The following STAU2 variants were observed in gnomAD, a reference collection of about 807,000 sequenced individuals.
STAU2 encodes the protein staufen double-stranded RNA binding protein 2.
In STAU2, 20 loss-of-function variants were observed where a neutral mutation model predicts 65.9. That is an observed-to-expected ratio of 0.30 (90% CI 0.21 to 0.44). STAU2 has a LOEUF of 0.44. Among genes scored for constraint, STAU2 ranks in the 20% least tolerant of loss-of-function variants. The pLI, the probability that STAU2 is intolerant of heterozygous loss-of-function variation, is 1.00. For missense variants in STAU2, 558 were observed against 683.9 expected (o/e 0.82, Z 2.05); for synonymous variants, 232 against 233.9 (o/e 0.99, Z 0.07).
chr8:73,655,464 ATAAC>A (rs1345343735), intron 6 of STAU2, among the ~76,000 whole-genome samples: 6 of 152,050 alleles, frequency 3.9e-5, no homozygotes, highest in East Asian at 1.9e-4. Flanking sequence ...TTCATATTTT[ATAAC>A]TAAAAGTCTT....
intron 13 of STAU2, among the ~76,000 whole-genome samples, chr8:73,501,272 G>A (rs1821735714): frequency 1.3e-5 from 2 of 151,768 alleles, no homozygotes; most frequent in South Asian, 2.1e-4. Context: ...ATAAGAAAAA[G>A]AGAACCATGT....
chr8:73,574,284 A>G (rs1167926797), intron 12 of STAU2, among the ~76,000 whole-genome samples: 1 of 152,230 alleles, frequency 6.6e-6, no homozygotes, highest in Non-Finnish European at 1.5e-5. Context: ...GTGGAGAAAC[A>G]GGAACACTTT....
chr8:73,598,158 G>C (rs1811338603), intron 10 of STAU2, among the ~76,000 whole-genome samples: 1 of 150,776 alleles, frequency 6.6e-6, no homozygotes, highest in South Asian at 2.1e-4. Flanking sequence ...TTTAACATTT[G>C]AAATTCAAAC....
intron 13 of STAU2, among the ~76,000 whole-genome samples, chr8:73,459,299 A>G (rs373866153): frequency 8.9e-4 from 136 of 152,342 alleles, no homozygotes; most frequent in African/African-American, 3.1e-3. Flanking sequence ...CATGAAGAAT[A>G]AATTCCTAGT....
At chr8:73,663,151 A>G (rs1816964902) in intron 6 of STAU2, among the ~76,000 whole-genome samples, 1 of 152,068 alleles carries the variant, frequency 6.6e-6, no homozygotes. Flanking sequence ...CATCTATTCG[A>G]CTCTGCTGTT....
intron 13 of STAU2, among the ~76,000 whole-genome samples, chr8:73,523,196 C>CAAAAAAAAAA (rs763732188): frequency 1.0e-4 from 8 of 78,624 alleles, no homozygotes; most frequent in African/African-American, 2.0e-4. Context: ...ACTTTGTCTC[C>CAAAAAAAAAA]AAAAAAAAAA....
At chr8:73,607,176 GAACTAAACAAATAACTTTAGA>G (rs1363234889) in intron 9 of STAU2, among the ~76,000 whole-genome samples, 1 of 152,018 alleles carries the variant, frequency 6.6e-6, no homozygotes, top group Non-Finnish European at 1.5e-5. Flanking sequence ...TTGTTTAAAG[GAACTAAACAAATAACTTTAGA>G]AAAACAAACA....
At chr8:73,462,044 G>T (rs538370633) in intron 13 of STAU2, among the ~76,000 whole-genome samples, 1 of 150,996 alleles carries the variant, frequency 6.6e-6, no homozygotes, top group African/African-American at 2.4e-5. Flanking sequence ...CACATCTATC[G>T]GTAAAAAAAT....
intron 13 of STAU2, among the ~76,000 whole-genome samples, chr8:73,450,532 G>T (rs1247557753): frequency 6.6e-6 from 1 of 152,186 alleles, no homozygotes; most frequent in Non-Finnish European, 1.5e-5. Flanking sequence ...CTTCAGAAAA[G>T]TTCAACTGCT....
intron 5 of STAU2, among the ~76,000 whole-genome samples, chr8:73,676,456 T>C (rs535781964): frequency 1.3e-5 from 2 of 152,318 alleles, no homozygotes; most frequent in South Asian, 4.1e-4. Context: ...CTAATAATAC[T>C]GCTTCTAAAA....
At position 73,459,639 on chromosome 8, in the gene STAU2, C is replaced by A. The variant is rs552517031; in HGVS notation, c.1531-36937G>T. On this transcript the variant is annotated intron_variant, in intron 13 of 14. Coordinates refer to ENST00000524300, the MANE Select transcript of STAU2 (RefSeq NM_001164380.2). ...AGCAGCCCTACCATGTGCAGAGCTC[C>A]CACTGAAATCAAAACCCAACCTCAA... 2.0e-5 allele frequency among the ~76,000 whole-genome samples: 3 copies of A among 152,142 alleles called. No individual in the cohort carries two copies. The South Asian group carries it at 6.2e-4, about 32-fold the overall frequency.
intron 13 of STAU2, among the ~76,000 whole-genome samples, chr8:73,429,343 C>T (rs959268333): frequency 1.4e-5 from 2 of 146,018 alleles, no homozygotes; most frequent in African/African-American, 5.0e-5. Flanking sequence ...ATTCAGTAAC[C>T]TACTTAAGGT....
chr8:73,632,350 T>C (rs967530090), intron 6 of STAU2, among the ~76,000 whole-genome samples: 5 of 151,708 alleles, frequency 3.3e-5, no homozygotes, highest in African/African-American at 9.7e-5. Flanking sequence ...AGCAAACCAA[T>C]AAGTCATTCA....
At chr8:73,651,713 G>A in intron 6 of STAU2, 1 of 457,258 alleles carries the variant, frequency 2.2e-6, no homozygotes, top group Non-Finnish European at 4.1e-6. Context: ...CCCAGGAAGT[G>A]GCATGCATAC....
chr8:73,456,142 C>T (rs1819046529), intron 13 of STAU2, among the ~76,000 whole-genome samples: 1 of 142,184 alleles, frequency 7.0e-6, no homozygotes, highest in Non-Finnish European at 1.5e-5. Context: ...GTGAACAGCA[C>T]GTGTTTCTAT....
chr8:73,520,681 AGATCAGCTCT>A (rs1166812306), intron 13 of STAU2, among the ~76,000 whole-genome samples: 2 of 152,212 alleles, frequency 1.3e-5, no homozygotes, highest in African/African-American at 4.8e-5. Flanking sequence ...GGACACAAGA[AGATCAGCTCT>A]CTCCTTCTGG....
At chr8:73,574,730 A>G (rs1051725244) in intron 12 of STAU2, among the ~76,000 whole-genome samples, 7 of 152,078 alleles carry the variant, frequency 4.6e-5, no homozygotes, top group Admixed American at 2.0e-4. Flanking sequence ...ACACAGGGTG[A>G]GGAACATCAC....
At chr8:73,566,429 T>C (rs150527467) in intron 12 of STAU2, among the ~76,000 whole-genome samples, 77 of 152,336 alleles carry the variant, frequency 5.1e-4, no homozygotes, top group Non-Finnish European at 8.5e-4. Context: ...TCTGAAACAA[T>C]AGTTTGAACA....
intron 6 of STAU2, among the ~76,000 whole-genome samples, chr8:73,660,358 G>C (rs1816738982): frequency 6.6e-6 from 1 of 152,130 alleles, no homozygotes; most frequent in South Asian, 2.1e-4. Context: ...TGAACCCGAA[G>C]GCGAAGGCTG....
Sources: gnomAD v4.1 joint callset for allele counts (sites outside exome capture counted in the v4.1 genomes callset) on GRCh38, gnomAD v4.1.1 for gene constraint, MANE v1.5 for transcripts, NCBI Gene and HGNC (gene_info 2026-07-23, HGNC 2026-07-21) for gene names.